The following TBC1D2 variants were observed in gnomAD, a reference collection of about 807,000 sequenced individuals.
The protein encoded by TBC1D2 is TBC1 domain family member 2A.
TBC1D2 carries 58 observed loss-of-function variants against 91.1 expected under a neutral mutation model. The ratio of observed to expected loss-of-function variants is 0.64; its 90% confidence interval spans 0.52 to 0.79. TBC1D2 has a LOEUF of 0.79. TBC1D2 is among the 30% of genes least tolerant of loss of function. TBC1D2 has a pLI of 0.00. For synonymous variants in TBC1D2, 482 were observed against 511.5 expected (o/e 0.94, Z 0.78); for missense variants, 1,080 against 1,208.3 (o/e 0.89, Z 1.57).
chr9:98,234,255 A>G (rs1829447752), intron 3 of TBC1D2, among the ~76,000 whole-genome samples: 2 of 152,206 alleles, frequency 1.3e-5, no homozygotes, highest in African/African-American at 2.4e-5. Context: ...CTGGTGCCCA[A>G]CACTGGGTTG....
At chr9:98,202,919 C>T (rs995983578) in intron 10 of TBC1D2, among the ~76,000 whole-genome samples, 2 of 152,288 alleles carry the variant, frequency 1.3e-5, no homozygotes, top group Non-Finnish European at 2.9e-5. Context: ...GAGCCAGCTC[C>T]TGGTGTTCAC....
chr9:98,233,287 T>C, intron 4 of TBC1D2, 129 bp downstream of exon 4: 1 of 1,289,418 alleles, frequency 7.8e-7, no homozygotes, highest in Non-Finnish European at 1.0e-6. Flanking sequence ...GGTGTTTCAG[T>C]AAGTAGCCCA....
At chr9:98,233,746 A>G (rs1034893053) in intron 3 of TBC1D2, among the ~76,000 whole-genome samples, 197 bp from the exon 4 acceptor site, 2 of 152,172 alleles carry the variant, frequency 1.3e-5, no homozygotes, top group African/African-American at 4.8e-5. Flanking sequence ...TCTCTTTCGC[A>G]TTCTCATCTT....
At chr9:98,229,247 G>T in intron 4 of TBC1D2, 99 bp from the exon 5 acceptor site, 1 of 1,119,796 alleles carries the variant, frequency 8.9e-7, no homozygotes, top group Non-Finnish European at 1.3e-6. Flanking sequence ...GTTAAAATGC[G>T]GATGGTTGGG....
At chr9:98,243,744 C>T (rs1160910225) in intron 3 of TBC1D2, among the ~76,000 whole-genome samples, 1 of 152,088 alleles carries the variant, frequency 6.6e-6, no homozygotes, top group African/African-American at 2.4e-5. Flanking sequence ...GCTATGTTGG[C>T]CAGGCTGGTC....
At position 98,199,418 on chromosome 9, in the gene TBC1D2, C is replaced by T. The variant is rs746901084; in HGVS notation, c.2750G>A (p.Gly917Asp). Residue 917 changes from glycine to aspartate, a missense_variant, in exon 13 of 13, where the codon GGC becomes GAC. Gly to Asp is a moderately conservative substitution (Grantham distance 94). Coordinates refer to ENST00000465784, the MANE Select transcript of TBC1D2 (RefSeq NM_001267571.2). The part of the protein sequence containing the change: ...RASRRRAVSE[G>D]CASEDEVEGE... ...CTCCACCTCGTCCTCGCTGGCACAG[C>T]CCTCGGACACAGCTCTGCGCCGGGA... 1.9e-5 allele frequency: 30 copies of T among 1,613,800 alleles called. No homozygotes were observed. The highest frequency in any genetic ancestry group is 2.4e-5 in the Non-Finnish European group (28 of 1,179,994).
chr9:98,219,242 T>A (rs759210664), intron 6 of TBC1D2, among the ~76,000 whole-genome samples: 1 of 152,196 alleles, frequency 6.6e-6, no homozygotes, highest in African/African-American at 2.4e-5. Context: ...CTAACATGCC[T>A]AAAGTCACAC....
chr9:98,239,839 C>A (rs1829593777), intron 3 of TBC1D2, among the ~76,000 whole-genome samples: 1 of 152,046 alleles, frequency 6.6e-6, no homozygotes, highest in South Asian at 2.1e-4. Flanking sequence ...ATTTATTTTA[C>A]TAATTCAATC....
chr9:98,252,396 C>T (rs923919520), intron 1 of TBC1D2, among the ~76,000 whole-genome samples: 20 of 152,186 alleles, frequency 1.3e-4, no homozygotes, highest in Non-Finnish European at 2.6e-4. Flanking sequence ...TAATCCTTGC[C>T]TTGGGGATGC....
intron 2 of TBC1D2, among the ~76,000 whole-genome samples, chr9:98,247,405 A>T (rs1317578951): frequency 6.6e-6 from 1 of 151,412 alleles, no homozygotes; most frequent in Non-Finnish European, 1.5e-5. Flanking sequence ...TGTCTCCTTC[A>T]GAGTTAATGT....
intron 1 of TBC1D2, among the ~76,000 whole-genome samples, chr9:98,252,757 C>T (rs774064053): frequency 9.9e-5 from 15 of 152,138 alleles, no homozygotes; most frequent in Non-Finnish European, 1.5e-4. Flanking sequence ...CTGAGATCAG[C>T]TGAGGTGGAC....
intron 3 of TBC1D2, among the ~76,000 whole-genome samples, chr9:98,242,441 CAA>C (rs961264421): frequency 3.8e-4 from 29 of 76,362 alleles, no homozygotes; most frequent in Non-Finnish European, 5.4e-4. Flanking sequence ...ACTCCATCTC[CAA>C]AAAAAAAAAA....
At chr9:98,238,232 A>G (rs1829558000) in intron 3 of TBC1D2, among the ~76,000 whole-genome samples, 1 of 136,740 alleles carries the variant, frequency 7.3e-6, no homozygotes, top group Non-Finnish European at 1.5e-5. Flanking sequence ...TGATTCATGA[A>G]CATGAGATAT....
At position 98,229,151 on chromosome 9, in the gene TBC1D2, G is replaced by C. The variant is rs1262681361; in HGVS notation, c.782-3C>G. 6.2e-7 allele frequency: 1 copy of C among 1,613,796 alleles called. No homozygotes were observed. Among genetic ancestry groups the C allele is most frequent in the Admixed American group, 1.7e-5 (1 of 59,986 alleles). ...TGGAGAATCCTCTGGCTCTCTCCCT[G>C]CTCAAGAGGAGAAACGCAGAAGTTA... is the stretch of plus-strand genomic sequence containing the variant. On this transcript the variant is annotated splice_region_variant and splice_polypyrimidine_tract_variant and intron_variant, in intron 4 of 12. Transcript: ENST00000465784.
At position 98,255,438 on chromosome 9, in the gene TBC1D2, C is replaced by T. The variant is rs1433753185; in HGVS notation, c.104G>A (p.Gly35Glu). 6.2e-7 allele frequency: 1 copy of T among 1,606,546 alleles called. No individual in the cohort carries two copies. Among genetic ancestry groups the T allele is most frequent in the Non-Finnish European group, 8.5e-7 (1 of 1,174,960 alleles). Residue 35 changes from glycine (G) to glutamate (E), a missense_variant, in exon 1 of 13, where the codon GGG becomes GAG. Physicochemically the swap from Gly to Glu is moderately conservative, Grantham distance 98 (BLOSUM62 -2). Coordinates refer to ENST00000465784, the MANE Select transcript of TBC1D2 (RefSeq NM_001267571.2). The stretch of plus-strand genomic sequence containing the variant: ...CGCCTCCAGGGACCGGGCGCAGTCC[C>T]CCGATTCTTCCTCCGGAGGCGGCAC... ...PQVPPPEEESGDCARSLEAVP... is the reference protein window; with the variant it reads ...PQVPPPEEESEDCARSLEAVP...
chr9:98,239,922 T>C (rs982555190), intron 3 of TBC1D2, among the ~76,000 whole-genome samples: 1 of 152,230 alleles, frequency 6.6e-6, no homozygotes, highest in African/African-American at 2.4e-5. Context: ...TCTAGGAATT[T>C]GTCCATTTTC....
At chr9:98,244,682 A>AAAAAC in intron 2 of TBC1D2, among the ~76,000 whole-genome samples, 1 of 151,194 alleles carries the variant, frequency 6.6e-6, no homozygotes, top group Non-Finnish European at 1.5e-5. Flanking sequence ...AAAAAAAAAA[A>AAAAAC]AGGCAGACCT....
At chr9:98,230,900 A>G (rs1376999333) in intron 4 of TBC1D2, among the ~76,000 whole-genome samples, 1 of 152,230 alleles carries the variant, frequency 6.6e-6, no homozygotes, top group Non-Finnish European at 1.5e-5. Flanking sequence ...GAACAAAACA[A>G]CAGTGCCTTG....
chr9:98,212,834 T>C (rs1453854697), intron 7 of TBC1D2, among the ~76,000 whole-genome samples: 1 of 152,158 alleles, frequency 6.6e-6, no homozygotes, highest in African/African-American at 2.4e-5. Flanking sequence ...TTACACTCCC[T>C]CACTAGTCTA....
Sources: gnomAD v4.1 joint callset for allele counts (sites outside exome capture counted in the v4.1 genomes callset) on GRCh38, gnomAD v4.1.1 for gene constraint, MANE v1.5 for transcripts, NCBI Gene and HGNC (gene_info 2026-07-23, HGNC 2026-07-21) for gene names.